Variants in PIEZO2 observed in about 807,000 individuals in gnomAD.
PIEZO2 encodes piezo type mechanosensitive ion channel component 2.
PIEZO2 carries 172 observed loss-of-function variants against 337.3 expected under a neutral mutation model. The ratio of observed to expected loss-of-function variants is 0.51; its 90% CI spans 0.45 to 0.58. PIEZO2 has a LOEUF of 0.58. PIEZO2 is among the 20% of genes least tolerant of loss of function. PIEZO2 has a pLI of 0.00. For synonymous variants in PIEZO2, 1,251 were observed against 1,228.5 expected, an observed-to-expected ratio of 1.02 and a Z score of -0.38; for missense variants, 3,028 against 3,391.3, an observed-to-expected ratio of 0.89 and a Z score of 2.66.
intron 2 of PIEZO2, among the ~76,000 whole-genome samples, chr18:11,023,053 A>G (rs2036373047): frequency 6.6e-6 from 1 of 152,024 alleles, no homozygotes; most frequent in South Asian, 2.1e-4. Context: ...TCAGGAGTGA[A>G]GCTGCAGACC....
At chr18:10,740,982 A>G (rs1207090572) in intron 33 of PIEZO2, 49 bp downstream of exon 33, 2 of 1,506,968 alleles carry the variant, frequency 1.3e-6, no homozygotes, top group African/African-American at 2.8e-5. Flanking sequence ...CTGGTCAAGG[A>G]TATAAGGGTT....
At chr18:11,079,170 C>G (rs933904294) in intron 1 of PIEZO2, among the ~76,000 whole-genome samples, 1 of 152,192 alleles carries the variant, frequency 6.6e-6, no homozygotes, top group Non-Finnish European at 1.5e-5. Context: ...CGTTGTTTCA[C>G]TTTCCCTGGC....
chr18:10,963,642 A>G (rs1438811318), intron 3 of PIEZO2, among the ~76,000 whole-genome samples: 1 of 152,240 alleles, frequency 6.6e-6, no homozygotes, highest in Admixed American at 6.5e-5. Context: ...AAGAGCACCT[A>G]TAAATTAAGG....
In PIEZO2 at chr18:11,066,236, G is replaced by A. The variant is rs1278154910; in HGVS notation, c.65-14C>T. 2 of 1,523,842 alleles carry A rather than the reference G, an allele frequency of 1.3e-6. No homozygotes were observed. Among genetic ancestry groups the A allele is most frequent in the Non-Finnish European group, 1.8e-6 (2 of 1,135,354 alleles). The allele number at this position is 1,523,842 out of a possible 1,614,324, so 94.4% of individuals were successfully genotyped here. ...GGAATGCACATGCTGTGGGTGGGAA[G>A]AGAGAAGAGAGTGAGAAGATCATTA... is the stretch of plus-strand genomic sequence containing the variant. On this transcript the variant is annotated splice_polypyrimidine_tract_variant and intron_variant, in intron 1 of 55. Coordinates refer to ENST00000674853, the MANE Select transcript of PIEZO2 (RefSeq NM_001378183.1).
In PIEZO2 at chr18:10,874,827, G is replaced by A. The variant is rs1354173487; in HGVS notation, c.330-3412C>T. On this transcript the variant is annotated intron_variant, in intron 4 of 55. Transcript: ENST00000674853. ...AGGCTGAGAAGGATGGCAGGAAGGG[G>A]GAGCGAGGAGTAGTTGGTTAATGAG... Among the ~76,000 whole-genome samples the A allele has an allele frequency of 6.6e-5, 10 of 152,082 alleles. No individual in the cohort carries two copies. The East Asian group carries it at 1.7e-3, about 26-fold the overall frequency.
At chr18:10,926,132 C>G (rs1406238231) in intron 3 of PIEZO2, among the ~76,000 whole-genome samples, 1 of 152,170 alleles carries the variant, frequency 6.6e-6, no homozygotes, top group African/African-American at 2.4e-5. Context: ...AGTGCCTACA[C>G]GAGTAGACTT....
At chr18:10,756,529 G>A (rs60204420) in intron 27 of PIEZO2, among the ~76,000 whole-genome samples, 3,827 of 142,944 alleles carry the variant, frequency 0.027, 169 homozygotes, top group African/African-American at 0.096. Flanking sequence ...AAGGAAGGAT[G>A]AGGATGAGTA....
intron 3 of PIEZO2, among the ~76,000 whole-genome samples, chr18:10,949,713 G>T (rs987993713): frequency 6.6e-6 from 1 of 152,256 alleles, no homozygotes; most frequent in East Asian, 1.9e-4. Flanking sequence ...AATGCAGAGA[G>T]AAGGTGTTTT....
At chr18:10,997,637 T>C (rs1042232742) in intron 2 of PIEZO2, among the ~76,000 whole-genome samples, 18 of 152,240 alleles carry the variant, frequency 1.2e-4, no homozygotes, top group Middle Eastern at 6.8e-3. Context: ...AAATTAAACA[T>C]TCACCTAATG....
chr18:11,073,440 T>C (rs2038416338), intron 1 of PIEZO2, among the ~76,000 whole-genome samples: 1 of 152,176 alleles, frequency 6.6e-6, no homozygotes, highest in Non-Finnish European at 1.5e-5. Context: ...GCTACATGTG[T>C]CCTTCAGAGA....
intron 1 of PIEZO2, among the ~76,000 whole-genome samples, chr18:11,100,436 C>T (rs2039377995): frequency 6.6e-6 from 1 of 152,338 alleles, no homozygotes; most frequent in South Asian, 2.1e-4. Flanking sequence ...GAAGATCTAA[C>T]AGGCTGGAAC....
chr18:10,684,155 C>CT lies in PIEZO2; in HGVS notation c.7498-1864dup, dbSNP rs71169941. Among the ~76,000 whole-genome samples the CT allele has an allele frequency of 2.6e-3, 162 of 61,436 alleles. 13 individuals carry two copies. Among genetic ancestry groups the CT allele is most frequent in the Middle Eastern group, 0.012 (1 of 84 alleles). The allele number at this position is 61,436 out of a possible 152,430, so 40.3% of individuals were successfully genotyped here. On this transcript the variant is annotated intron_variant, in intron 49 of 55. Coordinates refer to ENST00000674853, the MANE Select transcript of PIEZO2 (RefSeq NM_001378183.1). The stretch of plus-strand genomic sequence containing the variant: ...CTCTCTTTCTTTCTCTGTCTTTCCT[C>CT]TTTTTTTTTTTTTTTTTTTTTTTTT...
intron 47 of PIEZO2, among the ~76,000 whole-genome samples, chr18:10,692,742 C>G (rs1299953173): frequency 6.6e-6 from 1 of 152,194 alleles, no homozygotes; most frequent in Non-Finnish European, 1.5e-5. Context: ...AATCTTGAGG[C>G]TACACCTCAC....
chr18:11,001,999 A>C lies in PIEZO2; in HGVS notation c.161-22339T>G, dbSNP rs1320398435. Among the ~76,000 whole-genome samples the C allele has an allele frequency of 6.6e-6, 1 of 152,140 alleles. No individual in the cohort carries two copies. The highest frequency in any genetic ancestry group is 1.5e-5 in the Non-Finnish European group (1 of 68,020). On this transcript the variant is annotated intron_variant, in intron 2 of 55. Coordinates refer to ENST00000674853, the MANE Select transcript of PIEZO2 (RefSeq NM_001378183.1). The surrounding 1 kb of genome is among the most constrained non-coding windows in gnomAD (Gnocchi z 5.3). ...AACTTGCAGCAAAGTTGGAAATTCT[A>C]GATCTTCTACCTGTAAGGGCCAGAG... is the stretch of plus-strand genomic sequence containing the variant.
intron 44 of PIEZO2, 141 bp from the exon 45 acceptor site, chr18:10,698,021 G>T (rs1451712228): frequency 2.4e-5 from 2 of 82,412 alleles, no homozygotes; most frequent in East Asian, 2.9e-3. Flanking sequence ...ACGGCCTTGG[G>T]ATTTGTCCTC....
chr18:10,742,506 C>G lies in PIEZO2; in HGVS notation c.4624G>C (p.Glu1542Gln). ...EGQDMQKLSEEDDEREADKQK... is the reference protein window; with the variant it reads ...EGQDMQKLSEQDDEREADKQK... The stretch of plus-strand genomic sequence containing the variant: ...TGTCTTGACATACTTTCATCATCCT[C>G]TTCAGAGAGTTTTTGCATGTCCTGG... The change falls in exon 32 of 56, where the codon GAG (glutamate) becomes CAG (glutamine). Residue 1542 changes from glutamate (E) to glutamine (Q), a missense_variant. Around this residue, in one of 5 missense-constraint regions of PIEZO2, gnomAD observed 1,925 missense variants for 2,051.9 expected, o/e 0.94. Transcript: ENST00000674853. 1 of 1,537,214 alleles carries G rather than the reference C, an allele frequency of 6.5e-7. No homozygotes were observed. Among genetic ancestry groups the G allele is most frequent in the Non-Finnish European group, 8.7e-7 (1 of 1,146,900 alleles).
chr18:10,931,484 C>G (rs1053181017), intron 3 of PIEZO2, among the ~76,000 whole-genome samples: 1 of 152,164 alleles, frequency 6.6e-6, no homozygotes, highest in African/African-American at 2.4e-5. Context: ...CAGGCGTGAG[C>G]CACCATGCCT....
At chr18:10,925,961 T>C (rs1485549419) in intron 3 of PIEZO2, among the ~76,000 whole-genome samples, 3 of 152,230 alleles carry the variant, frequency 2.0e-5, no homozygotes, top group Non-Finnish European at 4.4e-5. Flanking sequence ...GGTTGTTCTT[T>C]CACTCATTCT....
chr18:10,857,618 G>T (rs970692332), intron 5 of PIEZO2, among the ~76,000 whole-genome samples: 27 of 152,350 alleles, frequency 1.8e-4, no homozygotes, highest in African/African-American at 6.5e-4. Context: ...CGACTGAAAG[G>T]TGAGTCCAAT....
Sources: allele counts gnomAD v4.1 joint callset (sites outside exome capture counted in the v4.1 genomes callset), GRCh38; gene constraint gnomAD v4.1.1; regional missense constraint gnomAD v4.1.1; non-coding constraint Gnocchi (gnomAD v3.1); transcripts MANE v1.5; gene names NCBI Gene and HGNC (gene_info 2026-07-23, HGNC 2026-07-21).